The following ZFP69 variants were observed in gnomAD, a reference collection of about 807,000 sequenced individuals.
ZFP69 encodes the protein ZFP69 zinc finger protein, also known as zinc finger protein 69 homolog.
A neutral mutation model predicts 48.9 loss-of-function variants in ZFP69; 35 were observed. That is an observed-to-expected ratio of 0.72 (90% CI 0.55 to 0.95). The LOEUF is 0.95. ZFP69 is among the 40% of genes least tolerant of loss of function. The pLI, the probability that ZFP69 is intolerant of heterozygous loss-of-function variation, is 0.00. For missense variants in ZFP69, 557 were observed against 638.4 expected, an observed-to-expected ratio of 0.87 and a Z score of 1.37; for synonymous variants, 193 against 216.8, an observed-to-expected ratio of 0.89 and a Z score of 0.96.
intron 3 of ZFP69, among the ~76,000 whole-genome samples, chr1:40,484,883 CTTTTTTTTT>C (rs71060386): frequency 1.6e-4 from 7 of 44,392 alleles, no homozygotes; most frequent in African/African-American, 6.6e-4. Flanking sequence ...GCCTGGCCTG[CTTTTTTTTT>C]TTTTTTTTTT....
chr1:40,483,301 C>T (rs1223636550), intron 3 of ZFP69, among the ~76,000 whole-genome samples: 1 of 140,364 alleles, frequency 7.1e-6, no homozygotes, highest in African/African-American at 2.7e-5. Context: ...ACAATCATAA[C>T]TCATTGCAAC....
chr1:40,487,295 A>G (rs548279828), intron 3 of ZFP69, among the ~76,000 whole-genome samples: 30 of 152,264 alleles, frequency 2.0e-4, no homozygotes, highest in African/African-American at 7.2e-4. Context: ...TTCAATAAAT[A>G]TATTGAAACA....
intron 1 of ZFP69, among the ~76,000 whole-genome samples, chr1:40,478,461 T>G (rs983526464): frequency 1.3e-4 from 20 of 152,356 alleles, no homozygotes; most frequent in African/African-American, 3.6e-4. Context: ...ACTTGCCAGC[T>G]GCTGGGCATC....
At position 40,494,989 on chromosome 1, in the gene ZFP69, C is replaced by G; in HGVS notation, c.511C>G (p.His171Asp). 1 of 1,613,816 alleles carries G rather than the reference C, an allele frequency of 6.2e-7. No individual in the cohort carries two copies. The highest frequency in any genetic ancestry group is 8.5e-7 in the Non-Finnish European group (1 of 1,179,930). Reference sequence around the variant, plus strand: ...TACCATTTCACAGGAGCGCTTATATCATGGCATTATGATGGAAAGTTTCAT... The same window carrying G: ...TACCATTTCACAGGAGCGCTTATATGATGGCATTATGATGGAAAGTTTCAT... ...KSTISQERLY[H>D]GIMMESFMRD... Residue 171 changes from histidine to aspartate, a missense_variant, in exon 6 of 6, where the codon CAT becomes GAT. Coordinates refer to ENST00000372706, the MANE Select transcript of ZFP69 (RefSeq NM_001320179.2).
Position 40,479,256 on chromosome 1 carries a change from G to A in ZFP69, c.-106G>A. On this transcript the variant is annotated 5_prime_UTR_variant, in exon 2 of 6. Coordinates refer to ENST00000372706, the MANE Select transcript of ZFP69 (RefSeq NM_001320179.2). ...GCAGGGACACACCAGAGTCCTGAGG[G>A]CAGGTGATTGGAATCTGAGCAACAC... is the stretch of plus-strand genomic sequence containing the variant. The A allele has an allele frequency of 6.7e-7, 1 of 1,490,770 alleles. No individual in the cohort carries two copies. The highest frequency in any genetic ancestry group is 9.3e-7 in the Non-Finnish European group (1 of 1,079,338). 92.3% of individuals were successfully genotyped at this position (1,490,770 alleles called of 1,614,324 possible).
intron 5 of ZFP69, 95 bp from the exon 6 acceptor site, chr1:40,494,826 C>CA (rs893728956): frequency 9.0e-7 from 1 of 1,108,700 alleles, no homozygotes; most frequent in African/African-American, 1.6e-5. Flanking sequence ...TAAATATAGT[C>CA]AAAATCTCAT....
At chr1:40,486,368 TTCTC>T (rs1312333923) in intron 3 of ZFP69, among the ~76,000 whole-genome samples, 2 of 151,854 alleles carry the variant, frequency 1.3e-5, no homozygotes, top group East Asian at 1.9e-4. Context: ...AGATTGCTCT[TTCTC>T]CCTCCCTGCT....
intron 5 of ZFP69, among the ~76,000 whole-genome samples, chr1:40,494,429 C>T (rs969496260): frequency 1.2e-4 from 18 of 145,188 alleles, no homozygotes; most frequent in African/African-American, 3.8e-4. Context: ...CCACTACGCC[C>T]GGCTAATTTT....
chr1:40,495,652 T>A lies in ZFP69; in HGVS notation c.1174T>A (p.Phe392Ile), dbSNP rs763822040. 6.2e-7 allele frequency: 1 copy of A among 1,614,224 alleles called. No homozygotes were observed. The highest frequency in any genetic ancestry group is 1.1e-5 in the South Asian group (1 of 91,088). The change falls in exon 6 of 6, where the codon TTT (phenylalanine) becomes ATT (isoleucine). Residue 392 changes from phenylalanine (F) to isoleucine (I), a missense_variant. Phe to Ile is a conservative substitution (Grantham distance 21). Transcript: ENST00000372706. ...TACTTGCAATGAATGTGGGAAAACC[T>A]TTAGACAGATTAGACACCTTAGTGA... ...PFTCNECGKT[F>I]RQIRHLSEHI...
chr1:40,488,976 G>C, intron 3 of ZFP69, 112 bp from the exon 4 acceptor site: 1 of 1,322,730 alleles, frequency 7.6e-7, no homozygotes, highest in Non-Finnish European at 1.1e-6. Context: ...TCCAGAGAAG[G>C]CTCCTGATAA....
At chr1:40,494,713 A>AAT (rs1557558582) in intron 5 of ZFP69, among the ~76,000 whole-genome samples, 1 of 137,492 alleles carries the variant, frequency 7.3e-6, no homozygotes, top group African/African-American at 2.8e-5. Flanking sequence ...TATATATATA[A>AAT]ATATATATCA....
chr1:40,478,008 A>G (rs750487918), intron 1 of ZFP69, 114 bp downstream of exon 1: 8 of 152,136 alleles, frequency 5.3e-5, no homozygotes, highest in Non-Finnish European at 1.2e-4. Context: ...TTTCCCGAGT[A>G]AGATTCGAAA....
intron 5 of ZFP69, among the ~76,000 whole-genome samples, chr1:40,491,678 T>C (rs1022186255): frequency 3.9e-5 from 6 of 152,032 alleles, no homozygotes; most frequent in Non-Finnish European, 7.4e-5. Context: ...GCCAGGCTCT[T>C]CTGTTAATTA....
intron 3 of ZFP69, among the ~76,000 whole-genome samples, chr1:40,485,179 C>T (rs1177892667): frequency 2.0e-5 from 3 of 151,998 alleles, no homozygotes; most frequent in South Asian, 2.1e-4. Flanking sequence ...AGGCGTGAAC[C>T]ACTGAGTCTG....
intron 3 of ZFP69, among the ~76,000 whole-genome samples, chr1:40,486,330 A>G (rs781266187): frequency 3.0e-4 from 46 of 151,882 alleles, no homozygotes; most frequent in Non-Finnish European, 1.0e-4. Flanking sequence ...TATTTTTCAA[A>G]TATTTTTTCT....
intron 3 of ZFP69, 84 bp downstream of exon 3, chr1:40,481,938 G>T (rs1324503106): frequency 2.1e-6 from 2 of 974,022 alleles, no homozygotes; most frequent in Non-Finnish European, 3.1e-6. Flanking sequence ...AGAGGTGGGA[G>T]TGGTGGTGAG....
Position 40,496,333 on chromosome 1 carries a change from C to A in ZFP69, c.*274C>A. ...TTTCATGGTGGATTAATAAATTATT[C>A]TTCATGGGTATTCATGATTTGCAGA... is the stretch of plus-strand genomic sequence containing the variant. On this transcript the variant is annotated 3_prime_UTR_variant, in exon 6 of 6. Coordinates refer to ENST00000372706, the MANE Select transcript of ZFP69 (RefSeq NM_001320179.2). 3.7e-6 allele frequency: 1 copy of A among 272,416 alleles called. No homozygotes were observed. Among genetic ancestry groups the A allele is most frequent in the Non-Finnish European group, 6.9e-6 (1 of 145,186 alleles). 16.9% of individuals were successfully genotyped at this position (272,416 alleles called of 1,614,324 possible).
chr1:40,495,447 T>C lies in ZFP69; in HGVS notation c.969T>C (p.Gly323=). ...SLSTHQRIHT[G]EKPFECEECG... Reference sequence around the variant, plus strand: ...GTACACACCAGAGAATCCATACTGGTGAGAAACCCTTTGAATGTGAGGAAT... The same window carrying C: ...GTACACACCAGAGAATCCATACTGGCGAGAAACCCTTTGAATGTGAGGAAT... Residue 323 remains glycine, a synonymous_variant, in exon 6 of 6, where the codon GGT becomes GGC. Coordinates refer to ENST00000372706, the MANE Select transcript of ZFP69 (RefSeq NM_001320179.2). 1 of 1,613,860 alleles carries C rather than the reference T, an allele frequency of 6.2e-7. No individual in the cohort carries two copies. Among genetic ancestry groups the C allele is most frequent in the Non-Finnish European group, 8.5e-7 (1 of 1,179,906 alleles).
rs1394622796 is a variant in ZFP69 at position 40,495,232 on chromosome 1, A to G, written c.754A>G (p.Asn252Asp). 1.9e-6 allele frequency: 3 copies of G among 1,613,996 alleles called. No homozygotes were observed. The highest frequency in any genetic ancestry group is 1.7e-5 in the Admixed American group (1 of 60,010). ...HHKYDTPTKR[N>D]TYKLDLINHP... ...TAAATATGATACACCTACAAAGCGG[A>G]ACACATACAAATTAGATTTGATTAA... The change falls in exon 6 of 6, where the codon AAC becomes GAC. Residue 252 changes from asparagine (N) to aspartate (D), a missense_variant. By Grantham distance (23) the Asn-to-Asp change is conservative. Coordinates refer to ENST00000372706, the MANE Select transcript of ZFP69 (RefSeq NM_001320179.2).
Sources: gnomAD v4.1 joint callset for allele counts (sites outside exome capture counted in the v4.1 genomes callset) on GRCh38, gnomAD v4.1.1 for gene constraint, MANE v1.5 for transcripts, NCBI Gene and HGNC (gene_info 2026-07-23, HGNC 2026-07-21) for gene names.